The following GAB2 variants were observed in gnomAD, a reference collection of about 807,000 sequenced individuals.
GAB2 encodes GRB2-associated-binding protein 2.
In GAB2, 26 loss-of-function variants were observed where a neutral mutation model predicts 65.5. That is an observed-to-expected ratio of 0.40 (90% CI 0.29 to 0.55). GAB2 has a LOEUF of 0.55. Ranked by LOEUF, GAB2 falls within the 20% of genes least tolerant of loss-of-function variation. GAB2 has a pLI of 0.53. For synonymous variants in GAB2, 321 were observed against 329.6 expected (o/e 0.97, Z 0.28); for missense variants, 884 against 875.8 (o/e 1.01, Z -0.12).
intron 2 of GAB2, among the ~76,000 whole-genome samples, chr11:78,270,420 T>C (rs1327060738): frequency 2.0e-5 from 3 of 152,108 alleles, no homozygotes; most frequent in African/African-American, 7.2e-5. Context: ...GTTTTGTGAC[T>C]TAGAAGCAGC....
At position 78,217,636 on chromosome 11, in the gene GAB2, C is replaced by G. The variant is rs773477010; in HGVS notation, c.*1636G>C. On this transcript the variant is annotated 3_prime_UTR_variant, in exon 10 of 10. Transcript: ENST00000361507. Reference sequence around the variant, plus strand: ...AAACTCTTGAAAATTTAGTCAAGAACAGTCAACATAAAAACATTCAGATCC... The same window carrying G: ...AAACTCTTGAAAATTTAGTCAAGAAGAGTCAACATAAAAACATTCAGATCC... The G allele has an allele frequency of 9.2e-5, 14 of 152,346 alleles. No homozygotes were observed. Among genetic ancestry groups the G allele is most frequent in the African/African-American group, 3.4e-4 (14 of 41,568 alleles). The allele number at this position is 152,346 out of a possible 1,614,324, so 9.4% of individuals were successfully genotyped here.
At chr11:78,390,380 G>GT (rs1856819441) in intron 1 of GAB2, among the ~76,000 whole-genome samples, 1 of 152,184 alleles carries the variant, frequency 6.6e-6, no homozygotes, top group Non-Finnish European at 1.5e-5. Flanking sequence ...GAGCCCAGGA[G>GT]TTTGAGACCA....
In GAB2 at chr11:78,279,458, G is replaced by A. The variant is rs888222220; in HGVS notation, c.376+1143C>T. Among the ~76,000 whole-genome samples, 10 of 152,126 alleles carry A rather than the reference G, an allele frequency of 6.6e-5. 1 individual carries two copies. The South Asian group carries it at 1.9e-3, about 28-fold the overall frequency. ...CCTGAGGAACTTTTTTTTAAAGAAT[G>A]AGACATAATTTACACGCCATAAATT... On this transcript the variant is annotated intron_variant, in intron 2 of 9. Coordinates refer to ENST00000361507, the MANE Select transcript of GAB2 (RefSeq NM_080491.3).
intron 1 of GAB2, among the ~76,000 whole-genome samples, chr11:78,367,178 C>G (rs1319183139): frequency 6.6e-6 from 1 of 152,104 alleles, no homozygotes; most frequent in African/African-American, 2.4e-5. Context: ...CAACTTGGAC[C>G]AAGAGTCACA....
intron 1 of GAB2, among the ~76,000 whole-genome samples, chr11:78,293,720 G>A (rs1866743848): frequency 2.0e-5 from 3 of 152,100 alleles, no homozygotes; most frequent in Admixed American, 2.0e-4. Context: ...CCTTTGTTTT[G>A]TGTTACTCAA....
intron 3 of GAB2, among the ~76,000 whole-genome samples, chr11:78,244,216 A>G (rs562794790): frequency 6.6e-6 from 1 of 152,170 alleles, no homozygotes; most frequent in South Asian, 2.1e-4. Flanking sequence ...ATGTGGTAAA[A>G]TCCTGTCTCT....
intron 5 of GAB2, among the ~76,000 whole-genome samples, chr11:78,224,597 A>G (rs1053387455): frequency 2.6e-5 from 4 of 152,016 alleles, no homozygotes; most frequent in Admixed American, 2.6e-4. Context: ...ACCTGATTTC[A>G]CTGTCTTTTC....
At chr11:78,407,658 T>TAAGAAAGAAAGAAAGA (rs375405621) in intron 1 of GAB2, among the ~76,000 whole-genome samples, 59 of 117,232 alleles carry the variant, frequency 5.0e-4, no homozygotes, top group South Asian at 2.3e-3. Flanking sequence ...AGAAAGAAAG[T>TAAGAAAGAAAGAAAGA]AAGAAAGAAA....
chr11:78,341,681 A>T, intron 1 of GAB2: 2 of 782,030 alleles, frequency 2.6e-6, no homozygotes, highest in Non-Finnish European at 3.1e-6. Context: ...GGTCTTGTTT[A>T]AATGGTGACT....
rs368341765 is a variant in GAB2 at position 78,362,539 on chromosome 11, C to T, written c.75+55107G>A. Among the ~76,000 whole-genome samples the T allele has an allele frequency of 4.6e-5, 7 of 152,106 alleles. No homozygotes were observed. The South Asian group carries it at 6.2e-4, about 14-fold the overall frequency. On this transcript the variant is annotated intron_variant, in intron 1 of 9. Coordinates refer to ENST00000361507, the MANE Select transcript of GAB2 (RefSeq NM_080491.3). ...GTGTAAGGTAAGGTACAACACTACA[C>T]GGTTGCAACAAATCAAAACATTTCC...
At chr11:78,268,087 G>C (rs1865914464) in intron 2 of GAB2, among the ~76,000 whole-genome samples, 1 of 152,122 alleles carries the variant, frequency 6.6e-6, no homozygotes, top group African/African-American at 2.4e-5. Context: ...TGGGGAGAAG[G>C]AAGGGTGGGC....
chr11:78,360,678 C>T (rs1284129634), intron 1 of GAB2, among the ~76,000 whole-genome samples: 1 of 151,902 alleles, frequency 6.6e-6, no homozygotes, highest in Admixed American at 6.6e-5. Flanking sequence ...GCCAACATGG[C>T]GAAAACCTGT....
intron 3 of GAB2, among the ~76,000 whole-genome samples, chr11:78,242,165 C>T (rs1275120815): frequency 6.6e-6 from 1 of 152,082 alleles, no homozygotes; most frequent in Non-Finnish European, 1.5e-5. Context: ...GAAAATTAAA[C>T]AACATGCTCT....
At chr11:78,261,749 A>G (rs922636105) in intron 2 of GAB2, among the ~76,000 whole-genome samples, 2 of 152,198 alleles carry the variant, frequency 1.3e-5, no homozygotes, top group Admixed American at 6.5e-5. Context: ...AGGGTGGCCT[A>G]TGCTTTATGA....
At chr11:78,331,281 C>A (rs1218347517) in intron 1 of GAB2, among the ~76,000 whole-genome samples, 4 of 147,052 alleles carry the variant, frequency 2.7e-5, no homozygotes, top group African/African-American at 7.6e-5. Flanking sequence ...GAGTCTCGCT[C>A]TGTTGCCAGG....
intron 1 of GAB2, among the ~76,000 whole-genome samples, chr11:78,288,427 A>G (rs968884579): frequency 6.6e-6 from 1 of 151,824 alleles, no homozygotes; most frequent in African/African-American, 2.4e-5. Context: ...AGAAAAAGAA[A>G]AAACACAAAA....
intron 1 of GAB2, chr11:78,341,766 A>G: frequency 1.0e-6 from 1 of 986,310 alleles, no homozygotes; most frequent in Non-Finnish European, 1.2e-6. Flanking sequence ...TCACCTTTTC[A>G]TGATGATACC....
chr11:78,368,505 T>G (rs1856526842), intron 1 of GAB2, among the ~76,000 whole-genome samples: 1 of 151,964 alleles, frequency 6.6e-6, no homozygotes, highest in African/African-American at 2.4e-5. Context: ...AGCTACAAAT[T>G]AAATATATAA....
At chr11:78,384,596 A>T (rs1856742303) in intron 1 of GAB2, among the ~76,000 whole-genome samples, 1 of 152,184 alleles carries the variant, frequency 6.6e-6, no homozygotes, top group Admixed American at 6.5e-5. Flanking sequence ...TTGCAGAGAG[A>T]ACCTGGTGGA....
Sources: allele counts gnomAD v4.1 joint callset (sites outside exome capture counted in the v4.1 genomes callset), GRCh38; gene constraint gnomAD v4.1.1; transcripts MANE v1.5; gene names NCBI Gene and HGNC (gene_info 2026-07-23, HGNC 2026-07-21).